ALAS1: variants seen among roughly 807,000 people sequenced by gnomAD.
ALAS1 encodes the protein 5-aminolevulinate synthase, non-specific, mitochondrial.
Under a neutral mutation model 59.6 loss-of-function variants are expected in ALAS1, and 29 were observed. The ratio of observed to expected loss-of-function variants is 0.49; its 90% CI spans 0.36 to 0.66. The LOEUF (loss-of-function observed/expected upper bound fraction) is 0.66. ALAS1 is among the 30% of genes least tolerant of loss of function. The pLI is 0.00. For missense variants in ALAS1, 690 were observed against 807.5 expected, an observed-to-expected ratio of 0.85 and a Z score of 1.76; for synonymous variants, 299 against 296.6, an observed-to-expected ratio of 1.01 and a Z score of -0.08.
intron 11 of ALAS1, among the ~76,000 whole-genome samples, chr3:52,212,686 C>T (rs1217471591): frequency 6.6e-6 from 1 of 152,076 alleles, no homozygotes; most frequent in Non-Finnish European, 1.5e-5. Flanking sequence ...CATGCGCCAC[C>T]ACGCCTGGCT....
In ALAS1 at chr3:52,198,263, C is replaced by A; in HGVS notation, c.-210+8C>A. On this transcript the variant is annotated splice_region_variant and intron_variant, in intron 1 of 11. Transcript: ENST00000484952. ...CTGCAGTCCTCAGCGCAGGTGAGGG[C>A]CCGCGCGGTAGGTGCGGCGCCGGCC... 2.5e-6 allele frequency: 1 copy of A among 402,566 alleles called. No individual in the cohort carries two copies. Among genetic ancestry groups the A allele is most frequent in the Non-Finnish European group, 4.4e-6 (1 of 228,176 alleles). The allele number at this position is 402,566 out of a possible 1,614,324, so 24.9% of individuals were successfully genotyped here.
rs528959013 is a variant in ALAS1 at position 52,203,860 on chromosome 3, C to T, written c.428-3C>T. 227 of 1,572,838 alleles carry T rather than the reference C, an allele frequency of 1.4e-4. No individual in the cohort carries two copies. The South Asian group carries it at 2.5e-3, about 17-fold the overall frequency. ...CATTTGTTTCTTGTTACTTTTGTTC[C>T]AGAGGTTGCTGAAACCTCAGCAGGC... On this transcript the variant is annotated splice_polypyrimidine_tract_variant and splice_region_variant and intron_variant, in intron 4 of 11. Coordinates refer to ENST00000484952, the MANE Select transcript of ALAS1 (RefSeq NM_000688.6).
intron 6 of ALAS1, among the ~76,000 whole-genome samples, chr3:52,205,165 A>G (rs1011839118): frequency 1.3e-5 from 2 of 152,244 alleles, no homozygotes; most frequent in African/African-American, 4.8e-5. Flanking sequence ...ACGTCAGTCC[A>G]CTTTCTATCA....
chr3:52,209,429 A>C lies in ALAS1; in HGVS notation c.1330+1182A>C, dbSNP rs138494682. On this transcript the variant is annotated intron_variant, in intron 9 of 11. Transcript: ENST00000484952. ...TCACCGTGTTAGCCAGAATGTTCTC[A>C]ATCTCCTGACCACGTGATCTGCCCG... Among the ~76,000 whole-genome samples the C allele has an allele frequency of 3.8e-3, 579 of 151,952 alleles. 4 individuals are homozygous for C. Among genetic ancestry groups the C allele is most frequent in the South Asian group, 0.027 (129 of 4,816 alleles).
intron 3 of ALAS1, among the ~76,000 whole-genome samples, chr3:52,200,341 A>C (rs924075476): frequency 4.0e-5 from 6 of 151,860 alleles, no homozygotes; most frequent in African/African-American, 1.2e-4. Flanking sequence ...TCTCTCCCCA[A>C]CCCCTGACAA....
intron 9 of ALAS1, among the ~76,000 whole-genome samples, chr3:52,210,165 C>A (rs954271356): frequency 6.6e-6 from 1 of 152,210 alleles, no homozygotes. Flanking sequence ...AAAATTCCAG[C>A]CTCTGGGATA....
rs1370398953 is a variant in ALAS1 at position 52,204,800 on chromosome 3, TTCCCCA to T, written c.687_692del (p.Phe229_Met231delinsLeu). 2 of 1,614,098 alleles carry T rather than the reference TTCCCCA, an allele frequency of 1.2e-6. No individual in the cohort carries two copies. The highest frequency in any genetic ancestry group is 1.7e-6 in the Non-Finnish European group (2 of 1,180,040). ...AACTGTGAACCGGCGAGCACACATC[TTCCCCA>T]TGGCAGATGACTATTCAGACTCCCT... On this transcript the variant is annotated inframe_deletion, in exon 6 of 12. Coordinates refer to ENST00000484952, the MANE Select transcript of ALAS1 (RefSeq NM_000688.6).
intron 3 of ALAS1, among the ~76,000 whole-genome samples, chr3:52,202,262 A>G (rs1163585799): frequency 6.6e-6 from 1 of 152,172 alleles, no homozygotes; most frequent in African/African-American, 2.4e-5. Flanking sequence ...AGGCATGAGA[A>G]TCACTTGAAC....
At chr3:52,202,805 G>C in intron 4 of ALAS1, 71 bp downstream of exon 4, 1 of 1,417,180 alleles carries the variant, frequency 7.1e-7, no homozygotes. Flanking sequence ...CCTCAGATTT[G>C]TGTATGAGCT....
In ALAS1 at chr3:52,206,709, G is replaced by A. The variant is rs143531630; in HGVS notation, c.1123G>A (p.Val375Ile). 7.4e-6 allele frequency: 12 copies of A among 1,614,080 alleles called. No homozygotes were observed. The African/African-American group carries it at 1.5e-4, about 20-fold the overall frequency. ...ACTGCTGCAAAGATCTGACCCCTCA[G>A]TCCCCAAGATTGTGGCATTTGAAAC... is the stretch of plus-strand genomic sequence containing the variant. Reference protein sequence around the residue: ...RELLQRSDPSVPKIVAFETVH... With the variant: ...RELLQRSDPSIPKIVAFETVH... The change falls in exon 8 of 12, where the codon GTC becomes ATC. Residue 375 changes from valine to isoleucine, a missense_variant. Physicochemically the swap from Val to Ile is conservative, Grantham distance 29 (BLOSUM62 3). Transcript: ENST00000484952.
intron 1 of ALAS1, 41 bp from the exon 2 acceptor site, chr3:52,198,631 C>T (rs1699119895): frequency 4.7e-6 from 3 of 634,464 alleles, no homozygotes. Context: ...AAGGCGCTGG[C>T]CCTCATACCC....
At chr3:52,211,156 T>C (rs1699396854) in intron 9 of ALAS1, 127 bp from the exon 10 acceptor site, 2 of 1,027,890 alleles carry the variant, frequency 1.9e-6, no homozygotes, top group Non-Finnish European at 2.8e-6. Flanking sequence ...ACTACTCCAA[T>C]CAGTCCAGGA....
rs923169759 is a variant in ALAS1 at position 52,211,401 on chromosome 3, T to C, written c.1449T>C (p.Ala483=). The C allele has an allele frequency of 6.2e-6, 10 of 1,614,098 alleles. No homozygotes were observed. Among genetic ancestry groups the C allele is most frequent in the African/African-American group, 1.3e-5 (1 of 74,938 alleles). The change falls in exon 10 of 12, where the codon GCT becomes GCC. Residue 483 remains alanine, a synonymous_variant. Transcript: ENST00000484952. ...CCTCTCTGCCACCCATGCTGCTGGC[T>C]GGAGCCCTGGAGTCTGTGCGGATCC... is the stretch of plus-strand genomic sequence containing the variant. ...FTTSLPPMLL[A]GALESVRILK...
At chr3:52,206,840 ATTTTTT>A in intron 8 of ALAS1, 89 bp downstream of exon 8, 3 of 1,168,238 alleles carry the variant, frequency 2.6e-6, no homozygotes, top group Non-Finnish European at 3.5e-6. Context: ...GTGTTTTTTA[ATTTTTT>A]TTTTTTGTGA....
At chr3:52,211,167 A>G (rs1699397197) in intron 9 of ALAS1, 116 bp from the exon 10 acceptor site, 1 of 1,196,970 alleles carries the variant, frequency 8.4e-7, no homozygotes, top group Admixed American at 2.3e-5. Flanking sequence ...CAGTCCAGGA[A>G]CAAATTAAAA....
chr3:52,208,129 T>G lies in ALAS1; in HGVS notation c.1212T>G (p.Phe404Leu), dbSNP rs1699331790. Residue 404 changes from phenylalanine (F) to leucine (L), a missense_variant, in exon 9 of 12, where the codon TTT (phenylalanine) becomes TTG (leucine). By Grantham distance (22) the Phe-to-Leu change is conservative. Coordinates refer to ENST00000484952, the MANE Select transcript of ALAS1 (RefSeq NM_000688.6). ...AGCTGTGTGATGTGGCCCATGAGTTTGGAGCAATCACCTTCGTGGATGAGG... is the reference window on the plus strand; with the variant it reads ...AGCTGTGTGATGTGGCCCATGAGTTGGGAGCAATCACCTTCGTGGATGAGG... ...LEELCDVAHE[F>L]GAITFVDEVH... 2 of 1,609,684 alleles carry G rather than the reference T, an allele frequency of 1.2e-6. No individual in the cohort carries two copies. Among genetic ancestry groups the G allele is most frequent in the African/African-American group, 2.7e-5 (2 of 74,910 alleles).
At position 52,198,689 on chromosome 3, in the gene ALAS1, C is replaced by T. The variant is rs1699121830; in HGVS notation, c.-192C>T. ...TTTCTCAGTTATGCCCAGTTCTTCCCGCTGTGGGGACACGACCACGGAGGA... is the reference window on the plus strand; with the variant it reads ...TTTCTCAGTTATGCCCAGTTCTTCCTGCTGTGGGGACACGACCACGGAGGA... On this transcript the variant is annotated 5_prime_UTR_variant, in exon 2 of 12. Transcript: ENST00000484952. 7 of 989,252 alleles carry T rather than the reference C, an allele frequency of 7.1e-6. No individual in the cohort carries two copies. Among genetic ancestry groups the T allele is most frequent in the Admixed American group, 2.1e-5 (1 of 48,426 alleles). The allele number at this position is 989,252 out of a possible 1,614,324, so 61.3% of individuals were successfully genotyped here. A position where few individuals can be genotyped will look rare whatever the true frequency, so the allele number is the denominator to read the frequency against.
chr3:52,205,066 G>C (rs1233156844), intron 6 of ALAS1, 151 bp downstream of exon 6: 6 of 713,210 alleles, frequency 8.4e-6, no homozygotes, highest in Non-Finnish European at 1.4e-5. Context: ...AATATCTACA[G>C]ATTACTTTTA....
Position 52,211,544 on chromosome 3 carries a change from C to T in ALAS1, c.1592C>T (p.Pro531Leu). ...GTCCACTGCCCCAGCCACATCATCC[C>T]TGTGCGGGTAATGGCCTGTCTCTGA... ...PVVHCPSHII[P>L]VRVADAAKNT... The change falls in exon 10 of 12, where the codon CCT (proline) becomes CTT (leucine). Residue 531 changes from proline to leucine, a missense_variant. Pro to Leu is a moderately conservative substitution (Grantham distance 98). Transcript: ENST00000484952. 6.2e-7 allele frequency: 1 copy of T among 1,613,956 alleles called. No homozygotes were observed. Among genetic ancestry groups the T allele is most frequent in the Non-Finnish European group, 8.5e-7 (1 of 1,179,796 alleles).
Sources: allele counts gnomAD v4.1 joint callset (sites outside exome capture counted in the v4.1 genomes callset), GRCh38; gene constraint gnomAD v4.1.1; transcripts MANE v1.5; gene names NCBI Gene and HGNC (gene_info 2026-07-23, HGNC 2026-07-21).